Variants in MAST3 observed in about 807,000 individuals in gnomAD.
MAST3 encodes the protein microtubule-associated serine/threonine-protein kinase 3.
A neutral mutation model predicts 127.0 loss-of-function variants in MAST3; 43 were observed. That is an observed-to-expected ratio of 0.34 (90% CI 0.27 to 0.44). MAST3 has a LOEUF of 0.44. Among genes scored for constraint, MAST3 ranks in the 20% least tolerant of loss-of-function variants. The pLI is 1.00. For synonymous variants in MAST3, 785 were observed against 809.2 expected, an observed-to-expected ratio of 0.97 and a Z score of 0.51; for missense variants, 1,390 against 1,919.1, an observed-to-expected ratio of 0.72 and a Z score of 5.15.
intron 3 of MAST3, among the ~76,000 whole-genome samples, chr19:18,115,415 G>A (rs1162670813): frequency 2.6e-5 from 4 of 152,008 alleles, no homozygotes; most frequent in Admixed American, 1.3e-4. Flanking sequence ...CGCCTTTACC[G>A]AGTGTGTGCA....
rs976066398 is a variant in MAST3 at position 18,112,223 on chromosome 19, C to G, written c.161+1482C>G. ...TGTCGCCCAGGTTGGACTGCAGTGG[C>G]ATGATCTCGGCTCACTGCAACCTCT... On this transcript the variant is annotated intron_variant, in intron 3 of 27. Transcript: ENST00000687212. This position sits in a 1 kb window ranked among gnomAD's most constrained non-coding sequence, Gnocchi z 4.1. Among the ~76,000 whole-genome samples the G allele has an allele frequency of 6.6e-6, 1 of 152,210 alleles. No homozygotes were observed. The highest frequency in any genetic ancestry group is 2.4e-5 in the African/African-American group (1 of 41,446).
In MAST3 at chr19:18,143,957, A is replaced by T. The variant is rs762711764; in HGVS notation, c.2534A>T (p.Asp845Val). The T allele has an allele frequency of 1.2e-6, 2 of 1,600,738 alleles. No homozygotes were observed. The highest frequency in any genetic ancestry group is 1.7e-6 in the Non-Finnish European group (2 of 1,174,020). Residue 845 changes from aspartate (D) to valine (V), a missense_variant, in exon 22 of 28, where the codon GAC (aspartate) becomes GTC (valine). Asp to Val is a radical substitution (Grantham distance 152, BLOSUM62 -3). This residue lies in a region of MAST3 where 816 missense variants were observed against 934.1 expected (regional missense o/e 0.87). Coordinates refer to ENST00000687212, the MANE Select transcript of MAST3 (RefSeq NM_001393504.1). Reference sequence around the variant, plus strand: ...CCCGTCTTCATTCTAGGGGAGCCTGACCCCCCACCAGCGGCCACCCCAGTG... The same window carrying T: ...CCCGTCTTCATTCTAGGGGAGCCTGTCCCCCCACCAGCGGCCACCCCAGTG... Reference protein sequence around the residue: ...KRPVFILGEPDPPPAATPVMP... With the variant: ...KRPVFILGEPVPPPAATPVMP...
intron 3 of MAST3, among the ~76,000 whole-genome samples, chr19:18,119,302 G>A (rs569831288): frequency 1.3e-5 from 2 of 152,326 alleles, no homozygotes; most frequent in African/African-American, 4.8e-5. Flanking sequence ...CAGCAGGATC[G>A]GGGAGGGAGG....
rs1479143335 is a variant in MAST3 at position 18,110,565 on chromosome 19, G to C, written c.72-87G>C. ...GGTCTTGGGCCCCTACTCCCTGAGG[G>C]AACCGCAGCCGCCATCCGGAGATCC... On this transcript the variant is annotated intron_variant, in intron 2 of 27. Transcript: ENST00000687212. This position sits in a 1 kb window ranked among gnomAD's most constrained non-coding sequence, Gnocchi z 4.3. 2.3e-6 allele frequency: 2 copies of C among 864,830 alleles called. No individual in the cohort carries two copies. The highest frequency in any genetic ancestry group is 2.8e-6 in the Non-Finnish European group (2 of 719,608). 53.6% of individuals were successfully genotyped at this position (864,830 alleles called of 1,614,324 possible).
chr19:18,143,642 T>A, intron 21 of MAST3, 121 bp from the exon 22 acceptor site: 2 of 1,279,034 alleles, frequency 1.6e-6, no homozygotes, highest in South Asian at 2.8e-5. Flanking sequence ...AAGGAACTCG[T>A]CCTGTCTATG....
chr19:18,144,412 T>G lies in MAST3; in HGVS notation c.2585-54T>G. On this transcript the variant is annotated intron_variant, in intron 22 of 27. Coordinates refer to ENST00000687212, the MANE Select transcript of MAST3 (RefSeq NM_001393504.1). This position sits in a 1 kb window ranked among gnomAD's most constrained non-coding sequence, Gnocchi z 4.0. The stretch of plus-strand genomic sequence containing the variant: ...GGGAGGAAGGGCCTTAAGGTCCCTT[T>G]AGGACCACATGGTGAGTTTGAGGGG... 6.9e-7 allele frequency: 1 copy of G among 1,440,918 alleles called. No homozygotes were observed. Among genetic ancestry groups the G allele is most frequent in the Non-Finnish European group, 9.5e-7 (1 of 1,056,338 alleles). 89.3% of individuals were successfully genotyped at this position (1,440,918 alleles called of 1,614,324 possible).
At chr19:18,130,138 G>C (rs1401444019) in intron 13 of MAST3, among the ~76,000 whole-genome samples, 4 of 151,842 alleles carry the variant, frequency 2.6e-5, no homozygotes, top group Non-Finnish European at 5.9e-5. Context: ...ATTTGAGCCG[G>C]GGGGGTGGTA....
In MAST3 at chr19:18,110,360, C is replaced by T. The variant is rs2038447668; in HGVS notation, c.72-292C>T. The stretch of plus-strand genomic sequence containing the variant: ...GACAAGCTGCACATCCCGGCGCTGA[C>T]CCTCGAGTGAGTGTTGGGCAGGGCG... On this transcript the variant is annotated intron_variant, in intron 2 of 27. Transcript: ENST00000687212. This position sits in a 1 kb window ranked among gnomAD's most constrained non-coding sequence, Gnocchi z 4.3. 1.0e-6 allele frequency: 1 copy of T among 985,454 alleles called. No homozygotes were observed. Among genetic ancestry groups the T allele is most frequent in the African/African-American group, 1.7e-5 (1 of 57,252 alleles). 61.0% of individuals were successfully genotyped at this position (985,454 alleles called of 1,614,324 possible).
In MAST3 at chr19:18,122,597, C is replaced by T; in HGVS notation, c.321-76C>T. The T allele has an allele frequency of 2.4e-6, 3 of 1,251,814 alleles. No individual in the cohort carries two copies. The South Asian group carries it at 3.8e-5, about 16-fold the overall frequency. The allele number at this position is 1,251,814 out of a possible 1,614,324, so 77.5% of individuals were successfully genotyped here. ...TACAACAGGGCCAGAATATGCTGGC[C>T]ACAGTGTCTGTTCTTAGTCCCCACA... On this transcript the variant is annotated intron_variant, in intron 5 of 27. Transcript: ENST00000687212.
Position 18,141,977 on chromosome 19 carries a change from C to G in MAST3, c.2301C>G (p.Ser767Arg). 1.3e-6 allele frequency: 2 copies of G among 1,541,536 alleles called. No homozygotes were observed. Among genetic ancestry groups the G allele is most frequent in the Non-Finnish European group, 1.8e-6 (2 of 1,138,398 alleles). ...ACCGGGAGGAGGGGTGGGAGCGCAG[C>G]GAAGTGGACTATGGCCGCCGGCTGA... ...SEDREEGWERSEVDYGRRLSA... is the reference protein window; with the variant it reads ...SEDREEGWERREVDYGRRLSA... The change falls in exon 21 of 28, where the codon AGC (serine) becomes AGG (arginine). Residue 767 changes from serine (S) to arginine (R), a missense_variant. By Grantham distance (110) the Ser-to-Arg change is moderately radical (BLOSUM62 -1). This residue lies in a region of MAST3 where 816 missense variants were observed against 934.1 expected (regional missense o/e 0.87). Transcript: ENST00000687212.
In MAST3 at chr19:18,151,372, G is replaced by C. The variant is rs999986284; in HGVS notation, c.*1646G>C. ...AGCGAGGGGCGGAGACCTGTCCCAC[G>C]ATCACCCAGCAGGAGTCGTGGCAGA... is the stretch of plus-strand genomic sequence containing the variant. On this transcript the variant is annotated 3_prime_UTR_variant, in exon 28 of 28. Coordinates refer to ENST00000687212, the MANE Select transcript of MAST3 (RefSeq NM_001393504.1). 2 of 152,198 alleles carry C rather than the reference G, an allele frequency of 1.3e-5. No individual in the cohort carries two copies. The highest frequency in any genetic ancestry group is 4.8e-5 in the African/African-American group (2 of 41,448). 9.4% of individuals were successfully genotyped at this position (152,198 alleles called of 1,614,324 possible). A position where few individuals can be genotyped will look rare whatever the true frequency, so the allele number is the denominator to read the frequency against.
rs2040392858 is a variant in MAST3 at position 18,124,763 on chromosome 19, A to AC, written c.1072dup (p.Leu358ProfsTer19). 2 of 1,595,100 alleles carry AC rather than the reference A, an allele frequency of 1.3e-6. No homozygotes were observed. The highest frequency in any genetic ancestry group is 1.7e-6 in the Non-Finnish European group (2 of 1,169,808). On this transcript the variant is annotated frameshift_variant, in exon 11 of 28. Transcript: ENST00000687212. LOFTEE classifies it high-confidence loss of function. Reference sequence around the variant, plus strand: ...ATTGGGCAGCTGGGCCTGGCCAAGGACCCCCTGGAGGGTAAGCCGGGATGG... The same window carrying AC: ...ATTGGGCAGCTGGGCCTGGCCAAGGACCCCCCTGGAGGGTAAGCCGGGATGG...
At chr19:18,121,015 C>T (rs757646964) in intron 3 of MAST3, among the ~76,000 whole-genome samples, 2 of 152,060 alleles carry the variant, frequency 1.3e-5, no homozygotes, top group Non-Finnish European at 2.9e-5. Context: ...GTCACCATGC[C>T]CGACCTAATT....
chr19:18,133,500 T>C (rs2041548947), intron 15 of MAST3, among the ~76,000 whole-genome samples: 1 of 150,858 alleles, frequency 6.6e-6, no homozygotes, highest in Admixed American at 6.6e-5. Flanking sequence ...CTGCCTCAGC[T>C]TCCCGAGTAG....
intron 1 of MAST3, among the ~76,000 whole-genome samples, chr19:18,102,434 C>T (rs1441639285): frequency 1.3e-5 from 2 of 151,678 alleles, no homozygotes; most frequent in African/African-American, 2.4e-5. Context: ...CTGCCTCAGC[C>T]TCCCAAAGTC....
intron 11 of MAST3, 66 bp from the exon 12 acceptor site, chr19:18,128,334 G>A (rs2040887697): frequency 9.4e-6 from 13 of 1,378,472 alleles, no homozygotes; most frequent in Non-Finnish European, 1.3e-5. Flanking sequence ...GAGGCCTCAG[G>A]AAATTGCTGG....
intron 3 of MAST3, among the ~76,000 whole-genome samples, chr19:18,113,181 A>G (rs1257275829): frequency 6.6e-6 from 1 of 152,070 alleles, no homozygotes; most frequent in Non-Finnish European, 1.5e-5. Context: ...GCAGAGCCAC[A>G]TTGCCTTGGG....
intron 15 of MAST3, among the ~76,000 whole-genome samples, chr19:18,133,829 C>T (rs2041601594): frequency 2.0e-5 from 3 of 152,190 alleles, no homozygotes; most frequent in Non-Finnish European, 2.9e-5. Context: ...GCTGGGATTA[C>T]AGTTGTGAGC....
chr19:18,131,335 C>T (rs141593487), intron 14 of MAST3, among the ~76,000 whole-genome samples: 2,272 of 151,684 alleles, frequency 0.015, 51 homozygotes, highest in African/African-American at 0.052. Context: ...GCCGAGACTG[C>T]GCCACTGCAC....
Sources: allele counts gnomAD v4.1 joint callset (sites outside exome capture counted in the v4.1 genomes callset), GRCh38; gene constraint gnomAD v4.1.1; regional missense constraint gnomAD v4.1.1; non-coding constraint Gnocchi (gnomAD v3.1); transcripts MANE v1.5; gene names NCBI Gene and HGNC (gene_info 2026-07-23, HGNC 2026-07-21).